The following STK32A variants were observed in gnomAD, a reference collection of about 807,000 sequenced individuals.
The protein encoded by STK32A is serine/threonine kinase 32A, also known as serine/threonine-protein kinase 32A.
STK32A carries 41 observed loss-of-function variants against 53.2 expected under a neutral mutation model. That is an observed-to-expected ratio of 0.77 (90% CI 0.60 to 1.00). The LOEUF (loss-of-function observed/expected upper bound fraction) is 1.00. STK32A is among the 50% of genes least tolerant of loss of function. STK32A has a pLI of 0.00. For synonymous variants in STK32A, 166 were observed against 162.8 expected, an observed-to-expected ratio of 1.02 and a Z score of -0.15; for missense variants, 458 against 485.8, an observed-to-expected ratio of 0.94 and a Z score of 0.54.
chr5:147,369,822 C>T (rs1751783323), intron 8 of STK32A, among the ~76,000 whole-genome samples: 1 of 152,082 alleles, frequency 6.6e-6, no homozygotes, highest in South Asian at 2.1e-4. Flanking sequence ...TGTGCACCTA[C>T]TGAATGCTTG....
chr5:147,337,217 C>G (rs1755178807), intron 5 of STK32A, among the ~76,000 whole-genome samples: 1 of 152,146 alleles, frequency 6.6e-6, no homozygotes, highest in Non-Finnish European at 1.5e-5. Context: ...GGACATGGCT[C>G]TTTTTTATTT....
chr5:147,290,935 C>A (rs1043873932), intron 4 of STK32A, among the ~76,000 whole-genome samples: 2 of 151,980 alleles, frequency 1.3e-5, no homozygotes, highest in African/African-American at 4.8e-5. Flanking sequence ...AAGTTATTTA[C>A]CAAAAATTTA....
At chr5:147,239,504 A>G (rs921038790) in intron 1 of STK32A, 35 bp from the exon 2 acceptor site, 1 of 674,100 alleles carries the variant, frequency 1.5e-6, no homozygotes. Flanking sequence ...AGAGTATAGC[A>G]TATTATTAGG....
chr5:147,397,322 G>T, the STK32A span, among the ~76,000 whole-genome samples: 1 of 151,592 alleles, frequency 6.6e-6, no homozygotes, highest in Non-Finnish European at 1.5e-5. Flanking sequence ...GGGATGTGTC[G>T]GTGTGGATTC....
At chr5:147,281,090 T>C (rs1229250759) in intron 4 of STK32A, among the ~76,000 whole-genome samples, 1 of 151,748 alleles carries the variant, frequency 6.6e-6, no homozygotes, top group African/African-American at 2.4e-5. Context: ...AGGAGGAGAG[T>C]ACTACATCAA....
chr5:147,345,833 T>C (rs1289288809), intron 6 of STK32A, among the ~76,000 whole-genome samples: 2 of 152,172 alleles, frequency 1.3e-5, no homozygotes, highest in Non-Finnish European at 2.9e-5. Context: ...CAAGGCTTTT[T>C]AAAATTTGGT....
intron 7 of STK32A, among the ~76,000 whole-genome samples, chr5:147,360,492 A>G (rs868765013): frequency 6.6e-6 from 1 of 151,188 alleles, no homozygotes; most frequent in Non-Finnish European, 1.5e-5. Context: ...AGAAAGAAAG[A>G]AAGAAAAAAA....
intron 4 of STK32A, among the ~76,000 whole-genome samples, chr5:147,301,350 G>A (rs56070750): frequency 6.6e-6 from 1 of 151,762 alleles, no homozygotes; most frequent in Non-Finnish European, 1.5e-5. Flanking sequence ...GCTTTTCAGG[G>A]TTATTCCTGT....
intron 5 of STK32A, among the ~76,000 whole-genome samples, chr5:147,325,299 T>G (rs1344625984): frequency 6.6e-6 from 1 of 150,836 alleles, no homozygotes; most frequent in East Asian, 1.9e-4. Flanking sequence ...ACCTGTAATT[T>G]ATTTTTTAAA....
rs1189943212 is a variant in STK32A at position 147,387,150 on chromosome 5, G to A, written c.*3167G>A. 1 of 152,248 alleles carries A rather than the reference G, an allele frequency of 6.6e-6. No homozygotes were observed. Among genetic ancestry groups the A allele is most frequent in the Admixed American group, 6.5e-5 (1 of 15,288 alleles). The allele number at this position is 152,248 out of a possible 1,614,324, so 9.4% of individuals were successfully genotyped here. On this transcript the variant is annotated 3_prime_UTR_variant, in exon 13 of 13. Transcript: ENST00000397936. ...ATCCCAGCTATAAGGCTCTTGCACT[G>A]TGACAGAGCTGCCCACCTCCAGTAC...
the STK32A span, chr5:147,401,676 G>T: frequency 6.2e-7 from 1 of 1,614,100 alleles, no homozygotes; most frequent in Non-Finnish European, 8.5e-7. Flanking sequence ...GCAGTGATGG[G>T]CTCACCAAAG....
intron 4 of STK32A, among the ~76,000 whole-genome samples, chr5:147,310,841 C>CA (rs1003112590): frequency 6.6e-6 from 1 of 152,052 alleles, no homozygotes; most frequent in Non-Finnish European, 1.5e-5. Flanking sequence ...GTGGCCATCT[C>CA]AAGAGATTCT....
At position 147,353,335 on chromosome 5, in the gene STK32A, G is replaced by A. The variant is rs144085268; in HGVS notation, c.562+2181G>A. ...AGAACTGAATTGTAAAGCATCTAAA[G>A]TAAATGTAATAAGCAAATAGGACTA... On this transcript the variant is annotated intron_variant, in intron 7 of 12. Coordinates refer to ENST00000397936, the MANE Select transcript of STK32A (RefSeq NM_001112724.2). Among the ~76,000 whole-genome samples, 78 of 152,272 alleles carry A rather than the reference G, an allele frequency of 5.1e-4. 2 individuals are homozygous for A. The East Asian group carries it at 0.012, about 24-fold the overall frequency.
intron 7 of STK32A, among the ~76,000 whole-genome samples, chr5:147,352,487 G>A (rs1227482565): frequency 1.3e-5 from 2 of 152,194 alleles, no homozygotes; most frequent in Non-Finnish European, 2.9e-5. Flanking sequence ...CTAGTTGTTA[G>A]CAGAACCAGC....
chr5:147,241,525 C>T (rs890041102), intron 2 of STK32A, among the ~76,000 whole-genome samples: 3 of 152,012 alleles, frequency 2.0e-5, no homozygotes, highest in Non-Finnish European at 4.4e-5. Flanking sequence ...AAATATATGG[C>T]TGATCAGGAC....
At chr5:147,315,527 A>G (rs947862405) in intron 4 of STK32A, among the ~76,000 whole-genome samples, 16 of 152,214 alleles carry the variant, frequency 1.1e-4, no homozygotes, top group African/African-American at 2.7e-4. Flanking sequence ...GAACAGACAA[A>G]TTCATAGAAA....
rs530106781 is a variant in STK32A, at chr5:147,261,322, A to G, written c.53-16802A>G. Among the ~76,000 whole-genome samples the G allele has an allele frequency of 3.2e-4, 48 of 152,360 alleles. No individual in the cohort carries two copies. In the South Asian group the frequency reaches 9.1e-3, roughly 29 times the overall value. On this transcript the variant is annotated intron_variant, in intron 2 of 12. Coordinates refer to ENST00000397936, the MANE Select transcript of STK32A (RefSeq NM_001112724.2). ...CGCCCTTACAGATGGAACAATGGTA[A>G]GCGCACACTTGGACAAGGGAGGGGA...
Position 147,347,007 on chromosome 5 carries a change from T to C in STK32A, c.472+3964T>C, listed in dbSNP as rs558208978. On this transcript the variant is annotated intron_variant, in intron 6 of 12. Coordinates refer to ENST00000397936, the MANE Select transcript of STK32A (RefSeq NM_001112724.2). ...TGTCCTTTTAAAACAACATACAGTG[T>C]AGAATACAGTAACTTATCCCCATTT... is the stretch of plus-strand genomic sequence containing the variant. Among the ~76,000 whole-genome samples, 4 of 152,324 alleles carry C rather than the reference T, an allele frequency of 2.6e-5. No homozygotes were observed. The East Asian group carries it at 7.7e-4, about 29-fold the overall frequency.
At chr5:147,358,061 C>T (rs937691387) in intron 7 of STK32A, among the ~76,000 whole-genome samples, 2 of 151,894 alleles carry the variant, frequency 1.3e-5, no homozygotes, top group Non-Finnish European at 2.9e-5. Context: ...GAATTAATCC[C>T]ATTAAATGTA....
Sources: gnomAD v4.1 joint callset for allele counts (sites outside exome capture counted in the v4.1 genomes callset) on GRCh38, gnomAD v4.1.1 for gene constraint, MANE v1.5 for transcripts, NCBI Gene and HGNC (gene_info 2026-07-23, HGNC 2026-07-21) for gene names.